Variants in CCDC178 observed in about 807,000 individuals in gnomAD.
The protein encoded by CCDC178 is coiled-coil domain-containing protein 178.
A neutral mutation model predicts 117.4 loss-of-function variants in CCDC178; 126 were observed. The ratio of observed to expected loss-of-function variants is 1.07; its 90% CI spans 0.93 to 1.24. The LOEUF (loss-of-function observed/expected upper bound fraction) is 1.24, where lower values mean the gene tolerates loss of function less well. Among genes scored for constraint, CCDC178 ranks in the 50% most tolerant of loss-of-function variants. The pLI is 0.00. For synonymous variants in CCDC178, 283 were observed against 313.4 expected (o/e 0.90, Z 1.02); for missense variants, 1,030 against 986.9 (o/e 1.04, Z -0.59).
Position 32,938,101 on chromosome 18 carries a change from A to C in CCDC178, c.2524-10T>G. On this transcript the variant is annotated splice_polypyrimidine_tract_variant and intron_variant, in intron 22 of 22. Coordinates refer to ENST00000383096, the MANE Select transcript of CCDC178 (RefSeq NM_001105528.4). Reference sequence around the variant, plus strand: ...AATTTGAAGATTCCTCCTGTTCAGAAGCAAGAAACAAACAAAATCAATAAG... The same window carrying C: ...AATTTGAAGATTCCTCCTGTTCAGACGCAAGAAACAAACAAAATCAATAAG... The C allele has an allele frequency of 6.3e-7, 1 of 1,599,458 alleles. No homozygotes were observed. Among genetic ancestry groups the C allele is most frequent in the Middle Eastern group, 1.7e-4 (1 of 6,036 alleles).
intron 21 of CCDC178, among the ~76,000 whole-genome samples, chr18:33,059,626 C>G (rs1314145796): frequency 2.0e-5 from 3 of 152,142 alleles, no homozygotes; most frequent in Non-Finnish European, 4.4e-5. Context: ...GTCTTTACCT[C>G]CTAAATAGGT....
chr18:33,143,054 A>G (rs999637842), intron 20 of CCDC178, among the ~76,000 whole-genome samples: 7 of 152,186 alleles, frequency 4.6e-5, no homozygotes, highest in African/African-American at 1.7e-4. Flanking sequence ...ACATGGCACA[A>G]AGAAAAGGGC....
intron 21 of CCDC178, among the ~76,000 whole-genome samples, chr18:32,976,725 T>A (rs1208578053): frequency 1.3e-5 from 2 of 152,096 alleles, no homozygotes; most frequent in Non-Finnish European, 2.9e-5. Flanking sequence ...AGTTTACAGA[T>A]TTTTTTAAAG....
At chr18:33,024,292 T>C (rs565257485) in intron 21 of CCDC178, among the ~76,000 whole-genome samples, 47 of 152,316 alleles carry the variant, frequency 3.1e-4, no homozygotes, top group Non-Finnish European at 5.7e-4. Flanking sequence ...TTCTGGAGGC[T>C]ACATGTCAAG....
At chr18:33,378,080 C>T (rs917700505) in intron 5 of CCDC178, among the ~76,000 whole-genome samples, 13 of 152,266 alleles carry the variant, frequency 8.5e-5, no homozygotes, top group African/African-American at 1.9e-4. Flanking sequence ...TCCATGAGCA[C>T]GGAATATTTT....
chr18:33,092,707 G>T, intron 21 of CCDC178, 54 bp downstream of exon 21: 1 of 1,273,688 alleles, frequency 7.9e-7, no homozygotes, highest in Admixed American at 2.4e-5. Flanking sequence ...TTTTACTTTT[G>T]TAGTGCATAT....
At chr18:33,382,128 T>C (rs2063445336) in intron 5 of CCDC178, among the ~76,000 whole-genome samples, 1 of 152,192 alleles carries the variant, frequency 6.6e-6, no homozygotes, top group South Asian at 2.1e-4. Context: ...CTTATTTCAA[T>C]TTAATCTCAT....
At chr18:33,027,698 A>G (rs1598803647) in intron 21 of CCDC178, among the ~76,000 whole-genome samples, 1 of 151,846 alleles carries the variant, frequency 6.6e-6, no homozygotes, top group East Asian at 1.9e-4. Flanking sequence ...ACCTAACAAC[A>G]TATCATCAAA....
chr18:33,136,804 A>C (rs2144277674), intron 20 of CCDC178, among the ~76,000 whole-genome samples: 1 of 152,264 alleles, frequency 6.6e-6, no homozygotes, highest in Non-Finnish European at 1.5e-5. Context: ...ACTCTATTTC[A>C]TATAATTTGT....
intron 11 of CCDC178, among the ~76,000 whole-genome samples, chr18:33,316,522 C>T (rs2062420657): frequency 6.6e-6 from 1 of 152,098 alleles, no homozygotes; most frequent in Non-Finnish European, 1.5e-5. Context: ...GAGCGCCGCC[C>T]CCTGCTGGAT....
At chr18:32,995,356 T>TA (rs1466040847) in intron 21 of CCDC178, among the ~76,000 whole-genome samples, 2 of 152,156 alleles carry the variant, frequency 1.3e-5, no homozygotes, top group African/African-American at 4.8e-5. Context: ...AAGAGCAATT[T>TA]AAAAATATAA....
chr18:33,143,193 G>C (rs2058229188), intron 20 of CCDC178, among the ~76,000 whole-genome samples: 1 of 152,134 alleles, frequency 6.6e-6, no homozygotes, highest in African/African-American at 2.4e-5. Flanking sequence ...GGGCAAAACA[G>C]TCATCACAAA....
chr18:33,088,855 T>C (rs1425605404), intron 21 of CCDC178, among the ~76,000 whole-genome samples: 3 of 152,112 alleles, frequency 2.0e-5, no homozygotes, highest in East Asian at 3.9e-4. Flanking sequence ...TGAACATGAG[T>C]AAAGAAAACT....
chr18:33,393,468 G>GA (rs1225398459), intron 4 of CCDC178, among the ~76,000 whole-genome samples: 1 of 152,044 alleles, frequency 6.6e-6, no homozygotes, highest in Non-Finnish European at 1.5e-5. Flanking sequence ...ATTCAAGCTA[G>GA]AAAAAATTTT....
intron 20 of CCDC178, among the ~76,000 whole-genome samples, chr18:33,135,225 C>T (rs576228305): frequency 2.0e-5 from 3 of 151,986 alleles, no homozygotes; most frequent in East Asian, 1.9e-4. Flanking sequence ...GAAAGTTAAA[C>T]TTGGAAAAGT....
intron 21 of CCDC178, among the ~76,000 whole-genome samples, chr18:32,995,948 T>TATCTAC (rs56101101): frequency 7.3e-5 from 11 of 151,578 alleles, no homozygotes; most frequent in Non-Finnish European, 1.6e-4. Context: ...TCTATATCTA[T>TATCTAC]GTCTCTCTCT....
chr18:33,044,685 A>C (rs1219200996), intron 21 of CCDC178, among the ~76,000 whole-genome samples: 1 of 152,180 alleles, frequency 6.6e-6, no homozygotes, highest in African/African-American at 2.4e-5. Context: ...GTAAGAAACA[A>C]TTATAGCAAA....
At chr18:32,992,234 T>C (rs2055409808) in intron 21 of CCDC178, among the ~76,000 whole-genome samples, 1 of 152,246 alleles carries the variant, frequency 6.6e-6, no homozygotes, top group Non-Finnish European at 1.5e-5. Flanking sequence ...CAGCTTGTTC[T>C]GCTCATTACA....
chr18:33,280,545 C>T (rs1403079816), intron 12 of CCDC178, among the ~76,000 whole-genome samples: 41 of 151,580 alleles, frequency 2.7e-4, no homozygotes, highest in African/African-American at 8.7e-4. Context: ...GTCAGTGTGG[C>T]GATTCCTCAG....
Sources: gnomAD v4.1 joint callset for allele counts (sites outside exome capture counted in the v4.1 genomes callset) on GRCh38, gnomAD v4.1.1 for gene constraint, MANE v1.5 for transcripts, NCBI Gene and HGNC (gene_info 2026-07-23, HGNC 2026-07-21) for gene names.